The following ARHGAP24 variants were observed in gnomAD, a reference collection of about 807,000 sequenced individuals.
The protein encoded by ARHGAP24 is rho GTPase-activating protein 24.
A neutral mutation model predicts 76.4 loss-of-function variants in ARHGAP24; 50 were observed. The ratio of observed to expected loss-of-function variants is 0.65; its 90% CI spans 0.52 to 0.83. ARHGAP24 has a LOEUF of 0.83. Among genes scored for constraint, ARHGAP24 ranks in the 40% least tolerant of loss-of-function variants. The pLI is 0.00. For missense variants in ARHGAP24, 930 were observed against 914.2 expected (o/e 1.02, Z -0.22); for synonymous variants, 345 against 323.3 (o/e 1.07, Z -0.72).
chr4:85,607,668 A>C (rs1306618061), intron 2 of ARHGAP24, among the ~76,000 whole-genome samples: 13 of 146,596 alleles, frequency 8.9e-5, no homozygotes, highest in East Asian at 3.9e-4. Context: ...GTCAAGCATT[A>C]TTTTCTTTTC....
intron 2 of ARHGAP24, among the ~76,000 whole-genome samples, chr4:85,691,827 G>A (rs1723672719): frequency 6.6e-6 from 1 of 152,072 alleles, no homozygotes. Flanking sequence ...GGGGCATTTT[G>A]GCCATTTACT....
intron 8 of ARHGAP24, among the ~76,000 whole-genome samples, chr4:85,982,069 T>C (rs1159984938): frequency 6.6e-6 from 1 of 151,660 alleles, no homozygotes; most frequent in Non-Finnish European, 1.5e-5. Flanking sequence ...CCCTGTCAGC[T>C]AGTTTTTTGG....
chr4:85,838,379 C>G (rs1578280642), intron 3 of ARHGAP24, among the ~76,000 whole-genome samples: 1 of 152,190 alleles, frequency 6.6e-6, no homozygotes, highest in Admixed American at 6.5e-5. Context: ...GGGCAGATCA[C>G]GAGGTCAGGG....
intron 8 of ARHGAP24, among the ~76,000 whole-genome samples, chr4:85,981,896 C>T (rs1049672118): frequency 2.6e-5 from 4 of 152,086 alleles, no homozygotes; most frequent in African/African-American, 9.7e-5. Context: ...TCGCATTTTC[C>T]AGTGAATATC....
intron 9 of ARHGAP24, among the ~76,000 whole-genome samples, chr4:85,996,191 G>A (rs1740648545): frequency 6.6e-6 from 1 of 152,170 alleles, no homozygotes; most frequent in Admixed American, 6.5e-5. Context: ...GGCCATAAGA[G>A]CCAGGTGACA....
intron 5 of ARHGAP24, among the ~76,000 whole-genome samples, chr4:85,960,749 T>C (rs548020254): frequency 2.6e-5 from 4 of 152,300 alleles, no homozygotes; most frequent in Admixed American, 2.6e-4. Context: ...TCTAAACTTT[T>C]GTTGGAATTT....
intron 2 of ARHGAP24, among the ~76,000 whole-genome samples, chr4:85,705,906 T>C (rs1194215798): frequency 6.7e-6 from 1 of 148,778 alleles, no homozygotes; most frequent in Non-Finnish European, 1.5e-5. Flanking sequence ...TGGAGGTTAA[T>C]TTTCTTAACA....
chr4:85,582,823 A>G (rs1460447635), intron 2 of ARHGAP24, among the ~76,000 whole-genome samples: 2 of 152,152 alleles, frequency 1.3e-5, no homozygotes, highest in Admixed American at 6.5e-5. Flanking sequence ...GCTATTTCAA[A>G]TTATATAATT....
At chr4:85,505,395 T>C (rs779117792) in intron 1 of ARHGAP24, among the ~76,000 whole-genome samples, 1 of 152,250 alleles carries the variant, frequency 6.6e-6, no homozygotes, top group Non-Finnish European at 1.5e-5. Context: ...CATAGTCCCA[T>C]ATTTCTTGGA....
intron 3 of ARHGAP24, among the ~76,000 whole-genome samples, chr4:85,813,529 C>G (rs1259123325): frequency 6.6e-6 from 1 of 152,046 alleles, no homozygotes; most frequent in Non-Finnish European, 1.5e-5. Flanking sequence ...AAAATTCCTA[C>G]AGTCTTTTTC....
intron 2 of ARHGAP24, among the ~76,000 whole-genome samples, chr4:85,687,492 T>A (rs1208464320): frequency 6.6e-6 from 1 of 152,194 alleles, no homozygotes; most frequent in African/African-American, 2.4e-5. Flanking sequence ...TGCTAAATAT[T>A]TATAAGTGGG....
chr4:85,893,684 T>C (rs1202107080), intron 3 of ARHGAP24, among the ~76,000 whole-genome samples: 1 of 138,880 alleles, frequency 7.2e-6, no homozygotes, highest in East Asian at 2.1e-4. Context: ...TGTTGAATAT[T>C]GGCCCCCACT....
At chr4:85,827,529 G>A (rs960091071) in intron 3 of ARHGAP24, among the ~76,000 whole-genome samples, 1 of 135,670 alleles carries the variant, frequency 7.4e-6, no homozygotes, top group Non-Finnish European at 1.7e-5. Context: ...TAGAGAGAGA[G>A]AGAGATTATT....
chr4:85,499,133 G>A (rs1405115804), intron 1 of ARHGAP24, among the ~76,000 whole-genome samples: 3 of 152,048 alleles, frequency 2.0e-5, no homozygotes, highest in East Asian at 1.9e-4. Context: ...GAATGTCTTC[G>A]AATTTAAATC....
intron 2 of ARHGAP24, among the ~76,000 whole-genome samples, chr4:85,588,273 C>T (rs917830255): frequency 1.3e-5 from 2 of 152,106 alleles, no homozygotes; most frequent in African/African-American, 4.8e-5. Flanking sequence ...TAATTGTTGA[C>T]GTTTTGTGCT....
At chr4:85,683,120 G>GCC (rs1437192648) in intron 2 of ARHGAP24, among the ~76,000 whole-genome samples, 3 of 111,676 alleles carry the variant, frequency 2.7e-5, no homozygotes, top group African/African-American at 1.1e-4. Context: ...GGGGGGGTGG[G>GCC]GGGGGGGTGC....
In ARHGAP24 at chr4:85,780,405, C is replaced by A. The variant is rs1179925886; in HGVS notation, c.268+58433C>A. Among the ~76,000 whole-genome samples the A allele has an allele frequency of 3.3e-5, 5 of 152,288 alleles. No homozygotes were observed. The East Asian group carries it at 9.7e-4, about 29-fold the overall frequency. On this transcript the variant is annotated intron_variant, in intron 3 of 9. Transcript: ENST00000395184. ...GCCACGCTGGTCTTGAACTGCTGAC[C>A]TCATGATCCACCCACCTCGGCCTCC...
intron 2 of ARHGAP24, among the ~76,000 whole-genome samples, chr4:85,583,412 A>G (rs1049293848): frequency 6.6e-6 from 1 of 152,120 alleles, no homozygotes; most frequent in Non-Finnish European, 1.5e-5. Context: ...TAATAGATCA[A>G]GAGACAGAAC....
intron 1 of ARHGAP24, among the ~76,000 whole-genome samples, chr4:85,558,987 G>A (rs932909730): frequency 1.3e-5 from 2 of 149,792 alleles, no homozygotes; most frequent in East Asian, 4.4e-4. Context: ...GATATTAAAA[G>A]TAGTGTTTCA....
Sources: gnomAD v4.1 joint callset for allele counts (sites outside exome capture counted in the v4.1 genomes callset) on GRCh38, gnomAD v4.1.1 for gene constraint, MANE v1.5 for transcripts, NCBI Gene and HGNC (gene_info 2026-07-23, HGNC 2026-07-21) for gene names.